Variants in AFF3 observed in about 807,000 individuals in gnomAD.
AFF3 encodes ALF transcription elongation factor 3.
Under a neutral mutation model 129.7 loss-of-function variants are expected in AFF3, and 32 were observed. The ratio of observed to expected loss-of-function variants is 0.25; its 90% CI spans 0.19 to 0.33. The LOEUF (loss-of-function observed/expected upper bound fraction) is 0.33, where lower values mean the gene tolerates loss of function less well. Among genes scored for constraint, AFF3 ranks in the 10% least tolerant of loss-of-function variants. The probability of loss-of-function intolerance (pLI) is 1.00; values close to 1 mark genes in which losing one functional copy is unlikely to be tolerated. For synonymous variants in AFF3, 644 were observed against 635.4 expected (o/e 1.01, Z -0.20); for missense variants, 1,373 against 1,592.0 (o/e 0.86, Z 2.34).
At chr2:100,009,655 A>G (rs886300306) in intron 4 of AFF3, among the ~76,000 whole-genome samples, 1 of 152,188 alleles carries the variant, frequency 6.6e-6, no homozygotes, top group African/African-American at 2.4e-5. Context: ...ATTCTCTCAA[A>G]ATACAATTAT....
chr2:100,020,827 C>A (rs748742553), intron 4 of AFF3, among the ~76,000 whole-genome samples: 28 of 152,214 alleles, frequency 1.8e-4, no homozygotes, highest in Non-Finnish European at 3.7e-4. Context: ...CTCCCGGCTG[C>A]TCTTCCTACC....
chr2:99,689,215 C>T (rs1378283342), intron 11 of AFF3, among the ~76,000 whole-genome samples: 3 of 149,400 alleles, frequency 2.0e-5, no homozygotes, highest in Non-Finnish European at 4.4e-5. Flanking sequence ...CTGCAGTCCC[C>T]CTATGATTTA....
chr2:99,695,099 C>A (rs1676064829), intron 11 of AFF3, among the ~76,000 whole-genome samples: 2 of 152,036 alleles, frequency 1.3e-5, no homozygotes, highest in African/African-American at 2.4e-5. Flanking sequence ...CCAAATACTG[C>A]CATTTAAACA....
intron 2 of AFF3, among the ~76,000 whole-genome samples, chr2:100,123,178 G>T (rs1423370408): frequency 6.6e-6 from 1 of 152,172 alleles, no homozygotes; most frequent in African/African-American, 2.4e-5. Flanking sequence ...ATTTGGCTTG[G>T]CCAACCCAGG....
intron 7 of AFF3, among the ~76,000 whole-genome samples, chr2:99,868,825 C>G (rs1229100167): frequency 1.3e-5 from 2 of 152,160 alleles, no homozygotes; most frequent in African/African-American, 4.8e-5. Context: ...TAGGGTCTCG[C>G]TCTGTCACCC....
chr2:99,794,566 T>G (rs1409036938), intron 8 of AFF3, among the ~76,000 whole-genome samples: 1 of 152,156 alleles, frequency 6.6e-6, no homozygotes, highest in African/African-American at 2.4e-5. Context: ...AATTTCATAT[T>G]ATGCATGCAA....
intron 7 of AFF3, among the ~76,000 whole-genome samples, chr2:99,975,518 T>A (rs1678786419): frequency 1.3e-5 from 2 of 152,160 alleles, no homozygotes; most frequent in African/African-American, 4.8e-5. Context: ...CCTATGACAT[T>A]TTGCCAATCA....
chr2:99,593,082 G>A (rs979609561), intron 15 of AFF3, 113 bp downstream of exon 15: 21 of 1,263,300 alleles, frequency 1.7e-5, no homozygotes, highest in Middle Eastern at 2.8e-4. Flanking sequence ...AAACTCCTGC[G>A]GCAGCCTACC....
At chr2:99,908,909 C>T (rs1368783197) in intron 7 of AFF3, among the ~76,000 whole-genome samples, 5 of 152,276 alleles carry the variant, frequency 3.3e-5, no homozygotes, top group Non-Finnish European at 5.9e-5. Flanking sequence ...TTGTGGAAGT[C>T]GGTGTGGCGA....
chr2:99,815,662 G>A (rs1423950106), intron 8 of AFF3, among the ~76,000 whole-genome samples: 2 of 151,056 alleles, frequency 1.3e-5, no homozygotes, highest in Non-Finnish European at 2.9e-5. Flanking sequence ...TCTCCTTAAC[G>A]TCTGAAGCAT....
chr2:99,892,766 C>G (rs1194516708), intron 7 of AFF3, among the ~76,000 whole-genome samples: 1 of 152,250 alleles, frequency 6.6e-6, no homozygotes, highest in East Asian at 1.9e-4. Flanking sequence ...AGCATCCGAT[C>G]TCTGTAGCAC....
intron 7 of AFF3, among the ~76,000 whole-genome samples, chr2:99,896,619 G>GTT (rs1558955546): frequency 2.3e-5 from 1 of 44,228 alleles, no homozygotes; most frequent in Non-Finnish European, 5.2e-5. Flanking sequence ...CTGTCAAAAT[G>GTT]CTTTTTTTTT....
intron 10 of AFF3, among the ~76,000 whole-genome samples, chr2:99,727,808 C>T (rs928698886): frequency 9.2e-5 from 14 of 152,202 alleles, no homozygotes; most frequent in Admixed American, 5.9e-4. Flanking sequence ...GTGATCTGCC[C>T]GCCTCGGCCT....
intron 12 of AFF3, among the ~76,000 whole-genome samples, chr2:99,656,475 T>C (rs1916959): frequency 0.49 from 74,402 of 152,038 alleles, 18,360 homozygotes; most frequent in East Asian, 0.64. Context: ...TTAGTTTGTG[T>C]TTTGCTGTTA....
intron 2 of AFF3, among the ~76,000 whole-genome samples, chr2:100,116,934 G>C (rs1280383844): frequency 6.6e-6 from 1 of 152,106 alleles, no homozygotes; most frequent in Non-Finnish European, 1.5e-5. Flanking sequence ...TATAATTGAA[G>C]AGTATTTTTG....
chr2:99,829,956 A>T (rs1036827369), intron 8 of AFF3, among the ~76,000 whole-genome samples: 2 of 152,254 alleles, frequency 1.3e-5, no homozygotes, highest in Non-Finnish European at 2.9e-5. Flanking sequence ...AGCCATAAAA[A>T]GGATGAGTTC....
intron 11 of AFF3, among the ~76,000 whole-genome samples, chr2:99,681,908 A>ATTTT (rs35944169): frequency 3.6e-5 from 5 of 139,538 alleles, no homozygotes; most frequent in East Asian, 2.1e-4. Context: ...CCTTAATTCT[A>ATTTT]TTTTTTTTTT....
chr2:99,880,906 T>C (rs901825506), intron 7 of AFF3, among the ~76,000 whole-genome samples: 5 of 152,024 alleles, frequency 3.3e-5, no homozygotes, highest in African/African-American at 9.7e-5. Flanking sequence ...ATTAGGAAAA[T>C]TCCCCTTCTG....
intron 7 of AFF3, among the ~76,000 whole-genome samples, chr2:99,956,024 C>T (rs115428648): frequency 0.021 from 3,165 of 151,480 alleles, 112 homozygotes; most frequent in African/African-American, 0.074. Flanking sequence ...CATGTACAGG[C>T]ATCAGAAAGG....
Sources: allele counts gnomAD v4.1 joint callset (sites outside exome capture counted in the v4.1 genomes callset), GRCh38; gene constraint gnomAD v4.1.1; transcripts MANE v1.5; gene names NCBI Gene and HGNC (gene_info 2026-07-23, HGNC 2026-07-21).